CABP4: variants seen among roughly 807,000 people sequenced by gnomAD.
CABP4 encodes calcium binding protein 4, also known as calcium-binding protein 4.
Under a neutral mutation model 30.7 loss-of-function variants are expected in CABP4, and 30 were observed. The observed-to-expected ratio is 0.98, with a 90% CI of 0.73 to 1.33. The LOEUF (loss-of-function observed/expected upper bound fraction) is 1.33. Among genes scored for constraint, CABP4 ranks in the 40% most tolerant of loss-of-function variants. CABP4 has a pLI of 0.00. For synonymous variants in CABP4, 161 were observed against 159.2 expected (o/e 1.01, Z -0.08); for missense variants, 424 against 395.5 (o/e 1.07, Z -0.61).
In CABP4 at chr11:67,456,365, G is replaced by GTGAC; in HGVS notation, c.467_470dup (p.Cys157Ter). On this transcript the variant is annotated frameshift_variant, in exon 3 of 6. Transcript: ENST00000325656. LOFTEE classifies it high-confidence loss of function. ...GGCTACATCAGCCACCGGGAGCTGGGTGACTGCATGCGGACCCTGGGCTAC... is the reference window on the plus strand; with the variant it reads ...GGCTACATCAGCCACCGGGAGCTGGGTGACTGACTGCATGCGGACCCTGGGCTAC... 1 of 1,613,770 alleles carries GTGAC rather than the reference G, an allele frequency of 6.2e-7. No homozygotes were observed. Among genetic ancestry groups the GTGAC allele is most frequent in the Non-Finnish European group, 8.5e-7 (1 of 1,180,022 alleles).
chr11:67,457,716 A>G (rs1320280817), intron 4 of CABP4, 34 bp downstream of exon 4: 1 of 1,516,556 alleles, frequency 6.6e-7, no homozygotes, highest in Admixed American at 2.0e-5. Context: ...AGAGGGGGGC[A>G]GGGCTGGGTG....
At chr11:67,456,817 C>A (rs1864827168) in intron 3 of CABP4, among the ~76,000 whole-genome samples, 1 of 152,228 alleles carries the variant, frequency 6.6e-6, no homozygotes, top group African/African-American at 2.4e-5. Context: ...TTCTCTCTTT[C>A]TCTCTCTTTC....
rs892508675 is a variant in CABP4, at chr11:67,457,692, G to A, written c.651+10G>A. The A allele has an allele frequency of 1.9e-6, 3 of 1,566,712 alleles. No individual in the cohort carries two copies. The highest frequency in any genetic ancestry group is 2.3e-5 in the East Asian group (1 of 42,678). On this transcript the variant is annotated intron_variant, in intron 4 of 5. Coordinates refer to ENST00000325656, the MANE Select transcript of CABP4 (RefSeq NM_145200.5). ...CATCGCCTTCCGAGAGGTGCGGAGT[G>A]TGGTGAGGTGGGCAGAGGGGGGCAG... is the stretch of plus-strand genomic sequence containing the variant.
chr11:67,454,621 G>A (rs965981834), upstream of CABP4, among the ~76,000 whole-genome samples: 4 of 152,210 alleles, frequency 2.6e-5, no homozygotes, highest in African/African-American at 9.6e-5. Flanking sequence ...GGGTGGGCAG[G>A]AAACCCAAGC....
chr11:67,456,281 G>A lies in CABP4; in HGVS notation c.398-18G>A, dbSNP rs755075266. 6.2e-7 allele frequency: 1 copy of A among 1,613,798 alleles called. No individual in the cohort carries two copies. Among genetic ancestry groups the A allele is most frequent in the Non-Finnish European group, 8.5e-7 (1 of 1,180,004 alleles). On this transcript the variant is annotated intron_variant, in intron 2 of 5. Coordinates refer to ENST00000325656, the MANE Select transcript of CABP4 (RefSeq NM_145200.5). ...TCCCTGAGCCTGGCCACCTGGGCTT[G>A]ACCTCCCTCCTCCACAGAGCTTCAG...
Position 67,455,431 on chromosome 11 carries a change from C to A in CABP4, c.8C>A (p.Thr3Lys). 1 of 1,609,374 alleles carries A rather than the reference C, an allele frequency of 6.2e-7. No individual in the cohort carries two copies. Among genetic ancestry groups the A allele is most frequent in the Non-Finnish European group, 8.5e-7 (1 of 1,178,468 alleles). The change falls in exon 1 of 6, where the codon ACA (threonine) becomes AAA (lysine). Residue 3 changes from threonine (T) to lysine (K), a missense_variant. Coordinates refer to ENST00000325656, the MANE Select transcript of CABP4 (RefSeq NM_145200.5). MTTEQARGQQGPN... is the reference protein window; with the variant it reads MTKEQARGQQGPN... The stretch of plus-strand genomic sequence containing the variant: ...CCCTGTTATCCCTCCCCCATGACCA[C>A]AGAGCAGGCAAGGGGGCAGCAGGGC...
At chr11:67,455,252 C>A, upstream of CABP4, 1 of 872,906 alleles carries the variant, frequency 1.1e-6, no homozygotes, top group Non-Finnish European at 1.7e-6. Context: ...AGCCCTGGGG[C>A]AGAGGACTGG....
In CABP4 at chr11:67,458,645, C is replaced by A. The variant is rs1330393954; in HGVS notation, c.814C>A (p.Leu272Ile). Residue 272 changes from leucine (L) to isoleucine (I), a missense_variant, in exon 6 of 6, where the codon CTC (leucine) becomes ATC (isoleucine). By Grantham distance (5) the Leu-to-Ile change is conservative. Transcript: ENST00000325656. ...CTCTCCCGCAGAGTTTGTGATGATG[C>A]TCTCCCGCCACTGAGGCTCCAGGAG... ...TVDFDEFVMM[L>I]SRH 1 of 1,613,958 alleles carries A rather than the reference C, an allele frequency of 6.2e-7. No homozygotes were observed. The highest frequency in any genetic ancestry group is 8.5e-7 in the Non-Finnish European group (1 of 1,180,014).
upstream of CABP4, among the ~76,000 whole-genome samples, chr11:67,455,127 C>T (rs901473322): frequency 6.6e-6 from 1 of 152,188 alleles, no homozygotes; most frequent in African/African-American, 2.4e-5. Flanking sequence ...TGCTGGATCC[C>T]CCAGCTAATA....
At position 67,461,211 on chromosome 11, in the gene CABP4, T is replaced by C. The variant is rs1865003034; in HGVS notation, c.*2552T>C. On this transcript the variant is annotated 3_prime_UTR_variant, in exon 6 of 6. Coordinates refer to ENST00000325656, the MANE Select transcript of CABP4 (RefSeq NM_145200.5). ...TCAGGAGGCTGAGGTGAGAGGATCA[T>C]TTGAGCCCAGGAGTTGGAGGCTGCA... 6.6e-6 allele frequency among the ~76,000 whole-genome samples: 1 copy of C among 151,882 alleles called. No individual in the cohort carries two copies. Among genetic ancestry groups the C allele is most frequent in the Non-Finnish European group, 1.5e-5 (1 of 67,976 alleles).
upstream of CABP4, chr11:67,452,641 T>C (rs1864603361): frequency 5.6e-6 from 9 of 1,613,440 alleles, no homozygotes; most frequent in African/African-American, 1.3e-5. Context: ...CCCAGCCACC[T>C]TGGGGGTAGG....
rs545448479 is a variant in CABP4, at chr11:67,455,716, G to A, written c.293G>A (p.Arg98Gln). The A allele has an allele frequency of 2.1e-5, 33 of 1,608,098 alleles. No homozygotes were observed. The highest frequency in any genetic ancestry group is 2.0e-4 in the South Asian group (18 of 90,220). ...CCGGCCTCTTCTCGCCAGTCCCACC[G>A]ACATCGTCCTGACTCCCTGCACGAC... ...PGPASSRQSH[R>Q]HRPDSLHDAA... The change falls in exon 1 of 6, where the codon CGA (arginine) becomes CAA (glutamine). Residue 98 changes from arginine (R) to glutamine (Q), a missense_variant. Transcript: ENST00000325656.
At chr11:67,455,240 C>A, upstream of CABP4, 1 of 777,976 alleles carries the variant, frequency 1.3e-6, no homozygotes, top group Non-Finnish European at 2.0e-6. Flanking sequence ...TCTGCCCTGG[C>A]CAGCCCTGGG....
In CABP4 at chr11:67,459,122, A is replaced by G; in HGVS notation, c.*463A>G. ...GCTGTCAGGGGGCAGAAGCGGGAGG[A>G]TAGCTTGAGCCCAGGAGTGCAAGAC... On this transcript the variant is annotated 3_prime_UTR_variant, in exon 6 of 6. Transcript: ENST00000325656. The G allele has an allele frequency of 1.0e-5, 2 of 192,114 alleles. No homozygotes were observed. The highest frequency in any genetic ancestry group is 5.3e-5 in the Admixed American group (1 of 18,788). The allele number at this position is 192,114 out of a possible 1,614,324, so 11.9% of individuals were successfully genotyped here.
chr11:67,457,825 A>G (rs1864875086), intron 4 of CABP4, 143 bp downstream of exon 4: 7 of 675,590 alleles, frequency 1.0e-5, no homozygotes, highest in Non-Finnish European at 1.8e-5. Context: ...GAGATGGTTC[A>G]GATCACTACC....
chr11:67,458,830 C>A lies in CABP4; in HGVS notation c.*171C>A. The A allele has an allele frequency of 1.3e-6, 1 of 751,928 alleles. No homozygotes were observed. Among genetic ancestry groups the A allele is most frequent in the Non-Finnish European group, 2.3e-6 (1 of 440,842 alleles). 46.6% of individuals were successfully genotyped at this position (751,928 alleles called of 1,614,324 possible). A position where few individuals can be genotyped will look rare whatever the true frequency, so the allele number is the denominator to read the frequency against. On this transcript the variant is annotated 3_prime_UTR_variant, in exon 6 of 6. Transcript: ENST00000325656. ...ATGTTGGCTTGTTATGTTACCTGCCCACCCTCATCCTTACCTCCTCCTACT... is the reference window on the plus strand; with the variant it reads ...ATGTTGGCTTGTTATGTTACCTGCCAACCCTCATCCTTACCTCCTCCTACT...
In CABP4 at chr11:67,455,713, A is replaced by G; in HGVS notation, c.290A>G (p.His97Arg). The G allele has an allele frequency of 6.2e-7, 1 of 1,607,806 alleles. No homozygotes were observed. The change falls in exon 1 of 6, where the codon CAC (histidine) becomes CGC (arginine). Residue 97 changes from histidine to arginine, a missense_variant. Coordinates refer to ENST00000325656, the MANE Select transcript of CABP4 (RefSeq NM_145200.5). Reference protein sequence around the residue: ...SPGPASSRQSHRHRPDSLHDA... With the variant: ...SPGPASSRQSRRHRPDSLHDA... ...GGGCCGGCCTCTTCTCGCCAGTCCC[A>G]CCGACATCGTCCTGACTCCCTGCAC...
At chr11:67,456,005 G>A (rs1341513985) in intron 1 of CABP4, 183 bp from the exon 2 acceptor site, 10 of 1,241,364 alleles carry the variant, frequency 8.1e-6, no homozygotes, top group Non-Finnish European at 1.1e-5. Flanking sequence ...GGCTCTGTGG[G>A]AGCTCCAGGC....
chr11:67,458,444 C>G lies in CABP4; in HGVS notation c.725C>G (p.Pro242Arg). 2 of 1,613,892 alleles carry G rather than the reference C, an allele frequency of 1.2e-6. No homozygotes were observed. The highest frequency in any genetic ancestry group is 1.7e-6 in the Non-Finnish European group (2 of 1,179,926). ...REAVPALLGE[P>R]LAGPELDEML... ...GCGGTACCGGCTCTGCTCGGGGAGC[C>G]GCTGGCGGGTCCTGAGCTGGACGAG... The change falls in exon 5 of 6, where the codon CCG becomes CGG. Residue 242 changes from proline to arginine, a missense_variant. By Grantham distance (103) the Pro-to-Arg change is moderately radical. Coordinates refer to ENST00000325656, the MANE Select transcript of CABP4 (RefSeq NM_145200.5).
Sources: allele counts gnomAD v4.1 joint callset (sites outside exome capture counted in the v4.1 genomes callset), GRCh38; gene constraint gnomAD v4.1.1; transcripts MANE v1.5; gene names NCBI Gene and HGNC (gene_info 2026-07-23, HGNC 2026-07-21).